The following KIAA0586 variants were observed in gnomAD, a reference collection of about 807,000 sequenced individuals.
The protein encoded by KIAA0586 is protein TALPID3.
A neutral mutation model predicts 169.8 loss-of-function variants in KIAA0586; 144 were observed. That is an observed-to-expected ratio of 0.85 (90% confidence interval 0.74 to 0.97). The LOEUF is 0.97. Ranked by LOEUF, KIAA0586 falls within the 50% of genes least tolerant of loss-of-function variation. The probability of loss-of-function intolerance (pLI) is 0.00; values close to 1 mark genes in which losing one functional copy is unlikely to be tolerated. For missense variants in KIAA0586, 1,854 were observed against 1,823.0 expected, an observed-to-expected ratio of 1.02 and a Z score of -0.31; for synonymous variants, 625 against 612.4, an observed-to-expected ratio of 1.02 and a Z score of -0.30.
intron 21 of KIAA0586, among the ~76,000 whole-genome samples, chr14:58,483,726 C>A (rs1013759743): frequency 3.9e-5 from 6 of 151,964 alleles, no homozygotes; most frequent in African/African-American, 1.2e-4. Context: ...TCTATTATAG[C>A]AATATGAAAT....
intron 29 of KIAA0586, among the ~76,000 whole-genome samples, chr14:58,516,553 A>G (rs2044769030): frequency 6.6e-6 from 1 of 152,198 alleles, no homozygotes; most frequent in Non-Finnish European, 1.5e-5. Context: ...ACAAGGCAGA[A>G]TTTAAAATGT....
At chr14:58,458,978 C>T (rs917976612) in intron 12 of KIAA0586, among the ~76,000 whole-genome samples, 1 of 152,166 alleles carries the variant, frequency 6.6e-6, no homozygotes, top group Non-Finnish European at 1.5e-5. Context: ...CTCTTTCTCA[C>T]AACCACAATG....
chr14:58,500,435 A>G (rs1627243), intron 27 of KIAA0586, among the ~76,000 whole-genome samples: 152,285 of 152,334 alleles, frequency 1, 76,119 homozygotes, highest in Middle Eastern at 1. Context: ...GGCCAGATGC[A>G]GTGGCTCACG....
intron 27 of KIAA0586, among the ~76,000 whole-genome samples, chr14:58,506,937 A>G (rs1156561963): frequency 6.6e-6 from 1 of 151,994 alleles, no homozygotes; most frequent in Non-Finnish European, 1.5e-5. Flanking sequence ...ACTTTAGCCC[A>G]GGGGTTTCAG....
chr14:58,450,571 TG>T lies in KIAA0586; in HGVS notation c.962-7del. ...CAAGTTAAGTTTTTAAAAAATTTTCTGTTAAAGCACCTTTAAAAGAAGTTGA... is the reference window on the plus strand; with the variant it reads ...CAAGTTAAGTTTTTAAAAAATTTTCTTTAAAGCACCTTTAAAAGAAGTTGA... On this transcript the variant is annotated splice_polypyrimidine_tract_variant and splice_region_variant and intron_variant, in intron 7 of 30. Coordinates refer to ENST00000652326, the MANE Select transcript of KIAA0586 (RefSeq NM_001329943.3). The T allele has an allele frequency of 6.4e-7, 1 of 1,572,868 alleles. No individual in the cohort carries two copies. The highest frequency in any genetic ancestry group is 8.6e-7 in the Non-Finnish European group (1 of 1,159,682).
chr14:58,432,274 C>T (rs2037440249), intron 3 of KIAA0586, 114 bp from the exon 4 acceptor site: 3 of 634,080 alleles, frequency 4.7e-6, no homozygotes, highest in Admixed American at 3.4e-5. Flanking sequence ...TCGTGGAATG[C>T]TATGGCTGAG....
In KIAA0586 at chr14:58,467,785, A is replaced by G; in HGVS notation, c.2305A>G (p.Ser769Gly). The change falls in exon 16 of 31, where the codon AGC (serine) becomes GGC (glycine). Residue 769 changes from serine (S) to glycine (G), a missense_variant. By Grantham distance (56) the Ser-to-Gly change is moderately conservative. Coordinates refer to ENST00000652326, the MANE Select transcript of KIAA0586 (RefSeq NM_001329943.3). ...DTMPPAGVIV[S>G]KPHPVTVTTS... ...CATGCCACCTGCTGGAGTGATTGTC[A>G]GCAAGCCACACCCTGTAACTGTGAC... The G allele has an allele frequency of 1.2e-6, 2 of 1,613,850 alleles. No individual in the cohort carries two copies. The highest frequency in any genetic ancestry group is 1.7e-6 in the Non-Finnish European group (2 of 1,179,808).
At chr14:58,515,059 T>C (rs547906148) in intron 29 of KIAA0586, among the ~76,000 whole-genome samples, 23 of 152,166 alleles carry the variant, frequency 1.5e-4, no homozygotes, top group Admixed American at 1.4e-3. Flanking sequence ...TCTTTAAATT[T>C]TAAGACCATC....
At chr14:58,520,624 G>A (rs1406586022) in intron 29 of KIAA0586, among the ~76,000 whole-genome samples, 1 of 152,064 alleles carries the variant, frequency 6.6e-6, no homozygotes, top group Non-Finnish European at 1.5e-5. Flanking sequence ...CCGGTCTCAA[G>A]CAATTTTCCC....
At chr14:58,524,215 C>T (rs2045417980) in intron 29 of KIAA0586, among the ~76,000 whole-genome samples, 1 of 152,144 alleles carries the variant, frequency 6.6e-6, no homozygotes, top group Admixed American at 6.5e-5. Flanking sequence ...AGTGTGCAGT[C>T]TTAATGTATG....
At chr14:58,452,295 A>C (rs758912962) in intron 8 of KIAA0586, among the ~76,000 whole-genome samples, 20 of 152,246 alleles carry the variant, frequency 1.3e-4, no homozygotes, top group Non-Finnish European at 2.4e-4. Context: ...AAAAATTAAA[A>C]GAAAAATAGT....
intron 14 of KIAA0586, 23 bp from the exon 15 acceptor site, chr14:58,465,812 T>A: frequency 1.4e-6 from 2 of 1,408,392 alleles, no homozygotes; most frequent in South Asian, 1.3e-5. Context: ...TTTTAAAATA[T>A]CTGCCATTGG....
At chr14:58,458,091 T>A (rs2040026611) in intron 11 of KIAA0586, 112 bp downstream of exon 11, 1 of 705,006 alleles carries the variant, frequency 1.4e-6, no homozygotes. Flanking sequence ...TTTAAAAGGT[T>A]CTTTATTGAC....
intron 29 of KIAA0586, among the ~76,000 whole-genome samples, chr14:58,536,170 C>G (rs1199485804): frequency 6.6e-6 from 1 of 151,932 alleles, no homozygotes; most frequent in Non-Finnish European, 1.5e-5. Flanking sequence ...ATGTTTATTG[C>G]ATGGATATAT....
rs17094540 is a variant in KIAA0586, at chr14:58,458,893, C to G, written c.1656+348C>G. 6.6e-3 allele frequency among the ~76,000 whole-genome samples: 1,009 copies of G among 152,054 alleles called. 10 individuals carry two copies. The highest frequency in any genetic ancestry group is 0.021 in the African/African-American group (857 of 41,490). On this transcript the variant is annotated intron_variant, in intron 12 of 30. Transcript: ENST00000652326. ...CATTGACCCGCCAAAGTAAAAATAC[C>G]AGAGTAATGCAAAGAGAAAAAAACC...
At chr14:58,533,299 G>A (rs1230874224) in intron 29 of KIAA0586, among the ~76,000 whole-genome samples, 1 of 152,188 alleles carries the variant, frequency 6.6e-6, no homozygotes. Flanking sequence ...TTTAGAGGAA[G>A]CAGCATAAAA....
In KIAA0586 at chr14:58,488,667, C is replaced by T. The variant is rs772493061; in HGVS notation, c.3574C>T (p.Pro1192Ser). Residue 1192 changes from proline (P) to serine (S), a missense_variant, in exon 24 of 31, where the codon CCT becomes TCT. Physicochemically the swap from Pro to Ser is moderately conservative, Grantham distance 74. Coordinates refer to ENST00000652326, the MANE Select transcript of KIAA0586 (RefSeq NM_001329943.3). ...TGAAGAACCAGAGAGTATGGATTTC[C>T]CTGCTCAGCCTCCACCTCCAGAGCC... ...KDEEPESMDF[P>S]AQPPPPEPVP... The T allele has an allele frequency of 3.0e-5, 48 of 1,613,680 alleles. No homozygotes were observed. Among genetic ancestry groups the T allele is most frequent in the Non-Finnish European group, 3.8e-5 (45 of 1,179,832 alleles).
rs2140404760 is a variant in KIAA0586, at chr14:58,430,696, G to A, written c.319G>A (p.Glu107Lys). The A allele has an allele frequency of 6.2e-7, 1 of 1,600,174 alleles. No individual in the cohort carries two copies. The highest frequency in any genetic ancestry group is 1.1e-5 in the South Asian group (1 of 89,366). ...AVQVLPLDKI[E>K]ENNKQKANDI... is the part of the protein sequence containing the mutation. ...GCAAGTGTTGCCTTTGGATAAAATA[G>A]AAGAGAACAACAAGCAAAAAGGTAA... The change falls in exon 3 of 31, where the codon GAA becomes AAA. Residue 107 changes from glutamate to lysine, a missense_variant. Glu to Lys is a moderately conservative substitution (Grantham distance 56). Transcript: ENST00000652326.
chr14:58,553,536 G>T (rs930610531), downstream of KIAA0586, among the ~76,000 whole-genome samples: 104 of 144,434 alleles, frequency 7.2e-4, no homozygotes, highest in African/African-American at 2.4e-3. Flanking sequence ...AAATATCTGG[G>T]TTTTTTTTTT....
Sources: gnomAD v4.1 joint callset for allele counts (sites outside exome capture counted in the v4.1 genomes callset) on GRCh38, gnomAD v4.1.1 for gene constraint, MANE v1.5 for transcripts, NCBI Gene and HGNC (gene_info 2026-07-23, HGNC 2026-07-21) for gene names.